Variants in HLCS observed in about 807,000 individuals in gnomAD.
HLCS encodes the protein biotin--protein ligase.
HLCS carries 53 observed loss-of-function variants against 75.0 expected under a neutral mutation model. That is an observed-to-expected ratio of 0.71 (90% CI 0.57 to 0.89). The LOEUF is 0.89. Among genes scored for constraint, HLCS ranks in the 40% least tolerant of loss-of-function variants. The pLI is 0.00. For synonymous variants in HLCS, 431 were observed against 428.6 expected, an observed-to-expected ratio of 1.01 and a Z score of -0.07; for missense variants, 966 against 1,074.0, an observed-to-expected ratio of 0.90 and a Z score of 1.41.
At chr21:36,948,263 C>T (rs1259336192) in intron 2 of HLCS, 1 of 147,012 alleles carries the variant, frequency 6.8e-6, no homozygotes, top group East Asian at 2.0e-4. Flanking sequence ...TGCACTCCAG[C>T]CTGGACGACA....
At chr21:36,979,795 G>A (rs778779494) in intron 1 of HLCS, among the ~76,000 whole-genome samples, 4 of 151,946 alleles carry the variant, frequency 2.6e-5, no homozygotes, top group Admixed American at 6.6e-5. Context: ...GGTGGCTCAC[G>A]CCTGTAATCC....
intron 5 of HLCS, among the ~76,000 whole-genome samples, chr21:36,922,996 C>T (rs2066240763): frequency 6.6e-6 from 1 of 152,228 alleles, no homozygotes; most frequent in African/African-American, 2.4e-5. Flanking sequence ...ACACCACCAG[C>T]TCCGCGGCCC....
intron 4 of HLCS, 56 bp from the exon 5 acceptor site, chr21:36,930,489 AAC>A (rs1158523502): frequency 2.3e-5 from 32 of 1,391,124 alleles, no homozygotes; most frequent in Admixed American, 3.7e-5. Flanking sequence ...CAATGAGAAA[AAC>A]AGTTTCTTTT....
intron 6 of HLCS, among the ~76,000 whole-genome samples, chr21:36,774,036 G>A (rs980956027): frequency 6.6e-6 from 1 of 152,084 alleles, no homozygotes; most frequent in East Asian, 1.9e-4. Context: ...GCACAAGATT[G>A]TTTTTTGAAA....
At chr21:36,967,840 C>T (rs567602349), upstream of HLCS, among the ~76,000 whole-genome samples, 28 of 151,842 alleles carry the variant, frequency 1.8e-4, no homozygotes, top group African/African-American at 6.5e-4. Flanking sequence ...CTGCCTCAGC[C>T]TCCCGAGTAG....
At chr21:36,788,755 C>T (rs955907357) in intron 6 of HLCS, among the ~76,000 whole-genome samples, 14 of 152,302 alleles carry the variant, frequency 9.2e-5, no homozygotes, top group Non-Finnish European at 1.8e-4. Flanking sequence ...GGATGAATAA[C>T]TTCTTTGGTA....
chr21:36,918,911 C>T (rs993520037), intron 5 of HLCS, among the ~76,000 whole-genome samples: 2 of 152,218 alleles, frequency 1.3e-5, no homozygotes, highest in African/African-American at 4.8e-5. Context: ...TTATTATACA[C>T]AATGCACAGA....
At chr21:36,932,466 A>C (rs1233189917) in intron 4 of HLCS, among the ~76,000 whole-genome samples, 3 of 152,174 alleles carry the variant, frequency 2.0e-5, no homozygotes, top group Admixed American at 2.0e-4. Context: ...ATTGAATTTT[A>C]AGATTTGGAA....
chr21:36,888,440 AAAAAAATATATATATATATATATAT>A (rs2064580243), intron 6 of HLCS, among the ~76,000 whole-genome samples: 2 of 30,530 alleles, frequency 6.6e-5, no homozygotes, highest in Non-Finnish European at 1.3e-4. Context: ...TTTAAAAAAA[AAAAAAATATATATATATATATATAT>A]ATATATATAT....
chr21:36,951,639 C>T (rs1343853331), intron 2 of HLCS, among the ~76,000 whole-genome samples: 1 of 152,194 alleles, frequency 6.6e-6, no homozygotes, highest in Non-Finnish European at 1.5e-5. Context: ...CACATGCCTC[C>T]AACCCTACCT....
chr21:36,807,371 C>T (rs75039709), intron 6 of HLCS, among the ~76,000 whole-genome samples: 2,346 of 152,286 alleles, frequency 0.015, 58 homozygotes, highest in African/African-American at 0.054. Context: ...AGCATTATTA[C>T]TGTTCATCAT....
intron 1 of HLCS, chr21:36,974,255 C>T (rs1196351519): frequency 7.2e-5 from 11 of 152,398 alleles, no homozygotes; most frequent in Non-Finnish European, 4.4e-5. Flanking sequence ...GTAGCCGCTC[C>T]ACACCTCCAG....
At chr21:36,867,084 A>G (rs765116555) in intron 6 of HLCS, among the ~76,000 whole-genome samples, 13 of 152,196 alleles carry the variant, frequency 8.5e-5, no homozygotes, top group Non-Finnish European at 1.9e-4. Context: ...CTCAGTTTGT[A>G]GGCAGTTTAA....
intron 2 of HLCS, among the ~76,000 whole-genome samples, chr21:36,941,555 C>G (rs144954967): frequency 3.3e-4 from 50 of 152,312 alleles, no homozygotes; most frequent in African/African-American, 1.2e-3. Context: ...ACGAATGGTA[C>G]TGGTACAACT....
chr21:36,978,880 G>A lies in HLCS; in HGVS notation c.-393+11278C>T, dbSNP rs77048259. On this transcript the variant is annotated intron_variant, in intron 1 of 11. Coordinates refer to the HLCS transcript ENST00000336648. ...GCTAAAAGCTCCATGAGGGGCCAGTGAGTCACATGACAACCGAATTTCTCC... is the reference window on the plus strand; with the variant it reads ...GCTAAAAGCTCCATGAGGGGCCAGTAAGTCACATGACAACCGAATTTCTCC... Among the ~76,000 whole-genome samples, 965 of 152,304 alleles carry A rather than the reference G, an allele frequency of 6.3e-3. 13 individuals are homozygous for A. Among genetic ancestry groups the A allele is most frequent in the African/African-American group, 0.023 (936 of 41,560 alleles).
chr21:36,812,221 ATCT>A (rs2145964627), intron 6 of HLCS, among the ~76,000 whole-genome samples: 1 of 152,326 alleles, frequency 6.6e-6, no homozygotes, highest in African/African-American at 2.4e-5. Flanking sequence ...TCTGTATCAA[ATCT>A]TCTCTCTCTA....
At chr21:36,846,183 G>A (rs1054690752) in intron 6 of HLCS, among the ~76,000 whole-genome samples, 1 of 152,070 alleles carries the variant, frequency 6.6e-6, no homozygotes, top group Non-Finnish European at 1.5e-5. Flanking sequence ...GATGTGTGGT[G>A]GGCACTCAGT....
At position 36,751,059 on chromosome 21, in the gene HLCS, G is replaced by A. The variant is rs1344793014; in HGVS notation, c.*3187C>T. On this transcript the variant is annotated 3_prime_UTR_variant, in exon 11 of 11. Transcript: ENST00000674895. ...TTGGCTTCTTAATACTTGGAAATACGTACATATTCCTTACTATGTAAAACA... is the reference window on the plus strand; with the variant it reads ...TTGGCTTCTTAATACTTGGAAATACATACATATTCCTTACTATGTAAAACA... 1 of 150,480 alleles carries A rather than the reference G, an allele frequency of 6.6e-6. No individual in the cohort carries two copies. Among genetic ancestry groups the A allele is most frequent in the African/African-American group, 2.4e-5 (1 of 40,922 alleles). The allele number at this position is 150,480 out of a possible 1,614,324, so 9.3% of individuals were successfully genotyped here.
At chr21:36,763,023 ACTTT>A (rs1481876221) in intron 8 of HLCS, among the ~76,000 whole-genome samples, 2 of 152,130 alleles carry the variant, frequency 1.3e-5, no homozygotes, top group Non-Finnish European at 2.9e-5. Context: ...CCATGACAGG[ACTTT>A]CTTTCTTCCT....
Sources: allele counts gnomAD v4.1 joint callset (sites outside exome capture counted in the v4.1 genomes callset), GRCh38; gene constraint gnomAD v4.1.1; transcripts MANE v1.5; gene names NCBI Gene and HGNC (gene_info 2026-07-23, HGNC 2026-07-21).